The following MBOAT7 variants were observed in gnomAD, a reference collection of about 807,000 sequenced individuals.
MBOAT7 encodes membrane-bound acylglycerophosphatidylinositol O-acyltransferase MBOAT7.
In MBOAT7, 40 loss-of-function variants were observed where a neutral mutation model predicts 47.4. The ratio of observed to expected loss-of-function variants is 0.84; its 90% CI spans 0.66 to 1.10. The LOEUF (loss-of-function observed/expected upper bound fraction) is 1.10, where lower values mean the gene tolerates loss of function less well. MBOAT7 is among the 50% of genes least tolerant of loss of function. The pLI is 0.00. For missense variants in MBOAT7, 680 were observed against 655.6 expected, an observed-to-expected ratio of 1.04 and a Z score of -0.41; for synonymous variants, 361 against 292.0, an observed-to-expected ratio of 1.24 and a Z score of -2.41.
At chr19:54,188,015 C>CAGAA (rs374807150) in intron 3 of MBOAT7, among the ~76,000 whole-genome samples, 6,462 of 76,576 alleles carry the variant, frequency 0.084, 255 homozygotes, top group Non-Finnish European at 0.11. Context: ...AACTCCATCT[C>CAGAA]AGAAAGAAAG....
chr19:54,173,970 C>G lies in MBOAT7; in HGVS notation c.*74G>C, dbSNP rs372068130. On this transcript the variant is annotated 3_prime_UTR_variant, in exon 8 of 8. Transcript: ENST00000245615. ...CAGGACCCTCTCCAAGGTAAGGACTCTTTCTGGGGAGGAGACAGCAGCCTG... is the reference window on the plus strand; with the variant it reads ...CAGGACCCTCTCCAAGGTAAGGACTGTTTCTGGGGAGGAGACAGCAGCCTG... 6 of 1,480,214 alleles carry G rather than the reference C, an allele frequency of 4.1e-6. No individual in the cohort carries two copies. The African/African-American group carries it at 7.1e-5, about 18-fold the overall frequency. The allele number at this position is 1,480,214 out of a possible 1,614,324, so 91.7% of individuals were successfully genotyped here.
intron 7 of MBOAT7, among the ~76,000 whole-genome samples, chr19:54,177,995 C>G (rs900343245): frequency 1.4e-5 from 2 of 146,006 alleles, no homozygotes; most frequent in African/African-American, 2.5e-5. Context: ...CCTGCAACCT[C>G]TGCCTCCCGG....
intron 1 of MBOAT7, among the ~76,000 whole-genome samples, chr19:54,188,746 C>A (rs548177617): frequency 6.6e-6 from 1 of 152,044 alleles, no homozygotes; most frequent in Non-Finnish European, 1.5e-5. Context: ...GCCTCCAGCT[C>A]TCCTGTCCTT....
rs190939892 is a variant in MBOAT7 at position 54,177,944 on chromosome 19, G to A, written c.1031+821C>T. The stretch of plus-strand genomic sequence containing the variant: ...TTTTTTTTTTTTGAGACGGAGTCTC[G>A]CTGTCGCCCAGGCTGGAGTGCAGTG... On this transcript the variant is annotated intron_variant, in intron 7 of 7. Transcript: ENST00000245615. Among the ~76,000 whole-genome samples, 43 of 111,604 alleles carry A rather than the reference G, an allele frequency of 3.9e-4. 1 individual carries two copies. Among genetic ancestry groups the A allele is most frequent in the African/African-American group, 1.5e-3 (43 of 27,866 alleles). The allele number at this position is 111,604 out of a possible 152,430, so 73.2% of individuals were successfully genotyped here. A position where few individuals can be genotyped will look rare whatever the true frequency, so the allele number is the denominator to read the frequency against.
chr19:54,176,679 G>GCAA (rs2076116624), intron 7 of MBOAT7, among the ~76,000 whole-genome samples: 1 of 152,162 alleles, frequency 6.6e-6, no homozygotes, highest in Non-Finnish European at 1.5e-5. Context: ...TGCAGCAGCA[G>GCAA]CACAGTTGCC....
chr19:54,178,442 A>G (rs2146974869), intron 7 of MBOAT7: 4 of 1,294,614 alleles, frequency 3.1e-6, no homozygotes, highest in South Asian at 2.4e-5. Flanking sequence ...TAAGAGGTCA[A>G]CTAACTCCTC....
Position 54,174,395 on chromosome 19 carries a change from G to T in MBOAT7, c.1068C>A (p.His356Gln). ...TCAGGTAGTAGCCCGGGTGGAGGCCGTGCCAGTAGGCGCTCAGCAGCATGG... is the reference window on the plus strand; with the variant it reads ...TCAGGTAGTAGCCCGGGTGGAGGCCTTGCCAGTAGGCGCTCAGCAGCATGG... The part of the protein sequence containing the change: ...AWTMLLSAYW[H>Q]GLHPGYYLSF... Residue 356 changes from histidine (H) to glutamine (Q), a missense_variant, in exon 8 of 8, where the codon CAC (histidine) becomes CAA (glutamine). His to Gln is a conservative substitution (Grantham distance 24). Transcript: ENST00000245615. 6.3e-7 allele frequency: 1 copy of T among 1,599,996 alleles called. No homozygotes were observed. Among genetic ancestry groups the T allele is most frequent in the Non-Finnish European group, 8.5e-7 (1 of 1,173,184 alleles).
intron 7 of MBOAT7, 90 bp from the exon 8 acceptor site, chr19:54,174,521 C>G: frequency 2.2e-6 from 3 of 1,337,740 alleles, no homozygotes; most frequent in Non-Finnish European, 3.0e-6. Flanking sequence ...CCCAGCCCCT[C>G]CTCCCTCAGA....
Position 54,178,787 on chromosome 19 carries a change from G to A in MBOAT7, c.1009C>T (p.Pro337Ser). 1.2e-6 allele frequency: 2 copies of A among 1,613,418 alleles called. No homozygotes were observed. The highest frequency in any genetic ancestry group is 1.7e-6 in the Non-Finnish European group (2 of 1,180,014). ...WLAQYIYKSA[P>S]ARSYVLRSAW... ...CACCGCAGGACATAGGAACGGGCAG[G>A]TGCGCTCTTGTAGATATACTGCGCC... The change falls in exon 7 of 8, where the codon CCT (proline) becomes TCT (serine). Residue 337 changes from proline (P) to serine (S), a missense_variant. Physicochemically the swap from Pro to Ser is moderately conservative, Grantham distance 74. Coordinates refer to ENST00000245615, the MANE Select transcript of MBOAT7 (RefSeq NM_024298.5).
chr19:54,188,039 A>C (rs1221866899), intron 3 of MBOAT7, among the ~76,000 whole-genome samples, 178 bp downstream of exon 3: 547 of 53,828 alleles, frequency 0.01, no homozygotes, highest in South Asian at 0.033. Context: ...GAAAGAAAGA[A>C]AGAAAGAAAG....
At chr19:54,175,100 C>A (rs563771600) in intron 7 of MBOAT7, among the ~76,000 whole-genome samples, 3 of 152,008 alleles carry the variant, frequency 2.0e-5, no homozygotes, top group Admixed American at 1.3e-4. Flanking sequence ...CTCAGCCTCC[C>A]GAGTAGCTGG....
rs1475873277 is a variant in MBOAT7 at position 54,174,421 on chromosome 19, T to G, written c.1042A>C (p.Thr348Pro). Residue 348 changes from threonine to proline, a missense_variant, in exon 8 of 8, where the codon ACC (threonine) becomes CCC (proline). Coordinates refer to ENST00000245615, the MANE Select transcript of MBOAT7 (RefSeq NM_024298.5). ...TGCCAGTAGGCGCTCAGCAGCATGG[T>G]CCAGGCGCTCCTGAGGAGGAGGCTG... ...ARSYVLRSAW[T>P]MLLSAYWHGL... 1.3e-6 allele frequency: 2 copies of G among 1,560,512 alleles called. No homozygotes were observed. The highest frequency in any genetic ancestry group is 2.7e-5 in the African/African-American group (2 of 72,986).
At position 54,173,902 on chromosome 19, in the gene MBOAT7, A is replaced by C. The variant is rs1160527604; in HGVS notation, c.*142T>G. The C allele has an allele frequency of 3.8e-6, 4 of 1,040,240 alleles. No individual in the cohort carries two copies. The highest frequency in any genetic ancestry group is 3.4e-5 in the South Asian group (2 of 57,976). The allele number at this position is 1,040,240 out of a possible 1,614,324, so 64.4% of individuals were successfully genotyped here. On this transcript the variant is annotated 3_prime_UTR_variant, in exon 8 of 8. Transcript: ENST00000245615. Reference sequence around the variant, plus strand: ...GGGAGGACACCCCCGGGTCTGCTTCAGTTGCAGGCAGGGTATTTAGCTGGG... The same window carrying C: ...GGGAGGACACCCCCGGGTCTGCTTCCGTTGCAGGCAGGGTATTTAGCTGGG...
Position 54,187,086 on chromosome 19 carries a change from T to C in MBOAT7, c.333+75A>G, listed in dbSNP as rs552230849. On this transcript the variant is annotated intron_variant, in intron 4 of 7. Transcript: ENST00000245615. ...TGGAGGTAAAATCCCGGGGAGCCAC[T>C]GAAGGGGGAGGTAAAGTGGGAGGTG... 6 of 1,488,286 alleles carry C rather than the reference T, an allele frequency of 4.0e-6. No individual in the cohort carries two copies. In the South Asian group the frequency reaches 5.1e-5, roughly 13 times the overall value. 92.2% of individuals were successfully genotyped at this position (1,488,286 alleles called of 1,614,324 possible). A position where few individuals can be genotyped will look rare whatever the true frequency, so the allele number is the denominator to read the frequency against.
In MBOAT7 at chr19:54,183,542, A is replaced by AGTAGCT; in HGVS notation, c.466_471dup (p.Ser156_Tyr157dup). On this transcript the variant is annotated inframe_insertion, in exon 5 of 8. Transcript: ENST00000245615. ...TCACCTGTCATGATTCCCACGTAGC[A>AGTAGCT]GTAGCTGTAGCTGAGTGTCTCCATC... 1 of 1,608,324 alleles carries AGTAGCT rather than the reference A, an allele frequency of 6.2e-7. No individual in the cohort carries two copies. Among genetic ancestry groups the AGTAGCT allele is most frequent in the Non-Finnish European group, 8.5e-7 (1 of 1,177,550 alleles).
intron 3 of MBOAT7, among the ~76,000 whole-genome samples, chr19:54,187,619 C>T (rs932854560): frequency 7.2e-5 from 11 of 152,184 alleles, no homozygotes; most frequent in African/African-American, 1.4e-4. Flanking sequence ...TGAATATGAA[C>T]GGTGGCCAGG....
intron 4 of MBOAT7, among the ~76,000 whole-genome samples, chr19:54,184,681 T>A (rs1479833452): frequency 6.6e-6 from 1 of 152,036 alleles, no homozygotes; most frequent in African/African-American, 2.4e-5. Flanking sequence ...GGCAGGCGGA[T>A]CACCTGAGGT....
rs562003643 is a variant in MBOAT7 at position 54,188,489 on chromosome 19, G to C, written c.20C>G (p.Thr7Arg). Residue 7 changes from threonine (T) to arginine (R), a missense_variant, in exon 2 of 8, where the codon ACG (threonine) becomes AGG (arginine). Physicochemically the swap from Thr to Arg is moderately conservative, Grantham distance 71. Coordinates refer to ENST00000245615, the MANE Select transcript of MBOAT7 (RefSeq NM_024298.5). ...GGAGATAAGAAGAACCACTAGATAC[G>C]TCCATTCTTCAGGCGACATGGTCTG... MSPEEW[T>R]YLVVLLISIP... 2 of 1,553,866 alleles carry C rather than the reference G, an allele frequency of 1.3e-6. No homozygotes were observed. Among genetic ancestry groups the C allele is most frequent in the Non-Finnish European group, 1.7e-6 (2 of 1,147,938 alleles).
chr19:54,183,520 C>A lies in MBOAT7; in HGVS notation c.493+1G>T, dbSNP rs757027974. 5 of 1,607,394 alleles carry A rather than the reference C, an allele frequency of 3.1e-6. No homozygotes were observed. In the Admixed American group the frequency reaches 8.5e-5, roughly 27 times the overall value. On this transcript the variant is annotated splice_donor_variant, in intron 5 of 7. Coordinates refer to ENST00000245615, the MANE Select transcript of MBOAT7 (RefSeq NM_024298.5). LOFTEE classifies it high-confidence loss of function. ...AGAGTTGTTAGGGCAGCCCCACTCA[C>A]CTGTCATGATTCCCACGTAGCAGTA... is the stretch of plus-strand genomic sequence containing the variant.
Sources: allele counts gnomAD v4.1 joint callset (sites outside exome capture counted in the v4.1 genomes callset), GRCh38; gene constraint gnomAD v4.1.1; transcripts MANE v1.5; gene names NCBI Gene and HGNC (gene_info 2026-07-23, HGNC 2026-07-21).